The following SH3BGR variants were observed in gnomAD, a reference collection of about 807,000 sequenced individuals.
SH3BGR encodes the protein SH3 domain-binding glutamic acid-rich protein.
Under a neutral mutation model 24.5 loss-of-function variants are expected in SH3BGR, and 29 were observed. The ratio of observed to expected loss-of-function variants is 1.18; its 90% CI spans 0.88 to 1.61. SH3BGR has a LOEUF of 1.61. Ranked by LOEUF, SH3BGR falls within the 40% of genes most tolerant of loss-of-function variation. SH3BGR has a pLI of 0.00. For synonymous variants in SH3BGR, 55 were observed against 65.7 expected, an observed-to-expected ratio of 0.84 and a Z score of 0.79; for missense variants, 162 against 205.8, an observed-to-expected ratio of 0.79 and a Z score of 1.30.
At chr21:39,462,637 T>A (rs2077774069) in intron 2 of SH3BGR, 77 bp downstream of exon 2, 1 of 1,061,350 alleles carries the variant, frequency 9.4e-7, no homozygotes. Flanking sequence ...TAAGTTTGAG[T>A]CAGCATTTGA....
chr21:39,501,847 G>A (rs2078499388), intron 4 of SH3BGR, among the ~76,000 whole-genome samples: 1 of 152,204 alleles, frequency 6.6e-6, no homozygotes, highest in South Asian at 2.1e-4. Flanking sequence ...AGAACCTACT[G>A]GCTTGTTTTG....
chr21:39,485,043 T>C (rs574358861), intron 3 of SH3BGR, among the ~76,000 whole-genome samples: 3 of 152,344 alleles, frequency 2.0e-5, no homozygotes, highest in African/African-American at 7.2e-5. Context: ...ATTTTTCTTG[T>C]CTTAGACAGG....
chr21:39,446,817 T>G (rs991313506), intron 1 of SH3BGR, among the ~76,000 whole-genome samples: 2 of 152,202 alleles, frequency 1.3e-5, no homozygotes, highest in African/African-American at 4.8e-5. Context: ...ATTTCCTCAA[T>G]TTGTCAGTTA....
chr21:39,503,596 A>G (rs1369174653), intron 4 of SH3BGR, among the ~76,000 whole-genome samples: 2 of 152,212 alleles, frequency 1.3e-5, no homozygotes, highest in East Asian at 1.9e-4. Flanking sequence ...TGCATACTCA[A>G]TGCACACTTG....
chr21:39,512,519 T>C (rs895785100), intron 6 of SH3BGR, among the ~76,000 whole-genome samples: 4 of 152,246 alleles, frequency 2.6e-5, no homozygotes, highest in African/African-American at 9.6e-5. Flanking sequence ...AGTGAACATT[T>C]ATTAAGTGTT....
chr21:39,510,156 AT>A (rs552065702), intron 5 of SH3BGR, among the ~76,000 whole-genome samples: 1,449 of 127,520 alleles, frequency 0.011, 171 homozygotes, highest in African/African-American at 0.047. Flanking sequence ...GTTAGCCAAG[AT>A]GGTCTCGATC....
chr21:39,457,522 T>A (rs1464201342), intron 1 of SH3BGR, among the ~76,000 whole-genome samples: 1 of 146,624 alleles, frequency 6.8e-6, no homozygotes, highest in Non-Finnish European at 1.5e-5. Context: ...ATTATATAGT[T>A]ATATATAAAT....
At chr21:39,478,341 C>T (rs1448685506) in intron 3 of SH3BGR, among the ~76,000 whole-genome samples, 5 of 152,152 alleles carry the variant, frequency 3.3e-5, no homozygotes, top group East Asian at 1.9e-4. Context: ...GGGAAGGTGC[C>T]GCTCCATCAT....
At chr21:39,448,435 T>C (rs1031636896), upstream of SH3BGR, among the ~76,000 whole-genome samples, 1 of 152,202 alleles carries the variant, frequency 6.6e-6, no homozygotes, top group Non-Finnish European at 1.5e-5. Flanking sequence ...TCTATGAAGT[T>C]TGTAGCCCAG....
chr21:39,469,948 G>A (rs1005664981), intron 2 of SH3BGR, among the ~76,000 whole-genome samples: 1 of 151,894 alleles, frequency 6.6e-6, no homozygotes, highest in East Asian at 1.9e-4. Context: ...GAGCCGCCAT[G>A]CCCAGCCTGC....
chr21:39,513,519 A>G (rs2123581215), intron 6 of SH3BGR, among the ~76,000 whole-genome samples: 1 of 151,068 alleles, frequency 6.6e-6, no homozygotes, highest in Middle Eastern at 3.4e-3. Flanking sequence ...TTATTGGACC[A>G]TAAAGGTTTT....
In SH3BGR at chr21:39,470,178, A is replaced by G. The variant is rs544349571; in HGVS notation, c.232-4957A>G. Among the ~76,000 whole-genome samples, 17 of 151,648 alleles carry G rather than the reference A, an allele frequency of 1.1e-4. 1 individual carries two copies. In the East Asian group the frequency reaches 1.2e-3, roughly 10 times the overall value. ...CCCCTTTACTCAATTCAAATAATCT[A>G]TCCTTTTAGTGGTTAACTTAGCTAT... On this transcript the variant is annotated intron_variant, in intron 2 of 6. Coordinates refer to ENST00000333634, the MANE Select transcript of SH3BGR (RefSeq NM_007341.3).
chr21:39,510,594 C>T (rs2078670503), intron 5 of SH3BGR, among the ~76,000 whole-genome samples: 1 of 151,976 alleles, frequency 6.6e-6, no homozygotes, highest in African/African-American at 2.4e-5. Context: ...GTTAATATAT[C>T]AAACCAACCC....
upstream of SH3BGR, among the ~76,000 whole-genome samples, chr21:39,447,734 G>A (rs1222812435): frequency 2.0e-5 from 3 of 151,956 alleles, no homozygotes; most frequent in Non-Finnish European, 4.4e-5. Flanking sequence ...TTTTGCTTTC[G>A]AAGGGGTGTT....
intron 1 of SH3BGR, among the ~76,000 whole-genome samples, chr21:39,458,125 C>T (rs985498572): frequency 6.6e-6 from 1 of 151,944 alleles, no homozygotes; most frequent in Non-Finnish European, 1.5e-5. Context: ...AGACATGTAC[C>T]TTTTACAGCA....
rs189019980 is a variant in SH3BGR, at chr21:39,508,275, G to T, written c.406-723G>T. Among the ~76,000 whole-genome samples, 3 of 152,286 alleles carry T rather than the reference G, an allele frequency of 2.0e-5. No homozygotes were observed. In the East Asian group the frequency reaches 5.8e-4, roughly 29 times the overall value. ...AAGCAATTGTGGCACTCTGGCTTCAGGGAGGTTTATCGGACCATTCTGGGA... is the reference window on the plus strand; with the variant it reads ...AAGCAATTGTGGCACTCTGGCTTCATGGAGGTTTATCGGACCATTCTGGGA... On this transcript the variant is annotated intron_variant, in intron 4 of 6. Coordinates refer to ENST00000333634, the MANE Select transcript of SH3BGR (RefSeq NM_007341.3).
chr21:39,480,880 T>A (rs2078118611), intron 3 of SH3BGR, among the ~76,000 whole-genome samples: 1 of 152,192 alleles, frequency 6.6e-6, no homozygotes, highest in Non-Finnish European at 1.5e-5. Flanking sequence ...GGAGACTCAT[T>A]TAACTAATAT....
intron 1 of SH3BGR, among the ~76,000 whole-genome samples, chr21:39,455,465 A>G (rs2148448002): frequency 6.6e-6 from 1 of 152,300 alleles, no homozygotes; most frequent in South Asian, 2.1e-4. Context: ...ATGGGAACTG[A>G]TGGGGTGCTA....
chr21:39,456,521 G>A (rs556550103), intron 1 of SH3BGR, among the ~76,000 whole-genome samples: 4 of 152,276 alleles, frequency 2.6e-5, no homozygotes, highest in South Asian at 2.1e-4. Context: ...AAATTCAGCC[G>A]TGAAACTGTG....
Sources: allele counts gnomAD v4.1 joint callset (sites outside exome capture counted in the v4.1 genomes callset), GRCh38; gene constraint gnomAD v4.1.1; transcripts MANE v1.5; gene names NCBI Gene and HGNC (gene_info 2026-07-23, HGNC 2026-07-21).